Variants in CASKIN1 observed in about 807,000 individuals in gnomAD.
CASKIN1 encodes CASK interacting protein 1.
A neutral mutation model predicts 117.5 loss-of-function variants in CASKIN1; 42 were observed. That is an observed-to-expected ratio of 0.36 (90% CI 0.28 to 0.46). CASKIN1 has a LOEUF of 0.46. Ranked by LOEUF, CASKIN1 falls within the 20% of genes least tolerant of loss-of-function variation. The pLI, the probability that CASKIN1 is intolerant of heterozygous loss-of-function variation, is 1.00. For missense variants in CASKIN1, 2,083 were observed against 2,077.3 expected, an observed-to-expected ratio of 1.00 and a Z score of -0.05; for synonymous variants, 1,148 against 961.7, an observed-to-expected ratio of 1.19 and a Z score of -3.59.
At chr16:2,191,588 C>A (rs2093201890) in intron 1 of CASKIN1, among the ~76,000 whole-genome samples, 1 of 152,208 alleles carries the variant, frequency 6.6e-6, no homozygotes, top group South Asian at 2.1e-4. Flanking sequence ...CTAATATTAG[C>A]CGTACAGGAA....
intron 14 of CASKIN1, among the ~76,000 whole-genome samples, chr16:2,184,450 T>C (rs1315558362): frequency 6.6e-6 from 1 of 152,148 alleles, no homozygotes; most frequent in Non-Finnish European, 1.5e-5. Flanking sequence ...GCCGTGCCCA[T>C]GCACACGCTG....
In CASKIN1 at chr16:2,179,493, G is replaced by A. The variant is rs1208116020; in HGVS notation, c.3775+100C>T. ...TGGGGACACGTTCCCACCCCACCTG[G>A]GCTTCCATCAAACCCAAGAAAAGGA... On this transcript the variant is annotated intron_variant, in intron 18 of 19. Coordinates refer to ENST00000343516, the MANE Select transcript of CASKIN1 (RefSeq NM_020764.4). This position sits in a 1 kb window ranked among gnomAD's most constrained non-coding sequence, Gnocchi z 5.8. 2.9e-6 allele frequency: 4 copies of A among 1,391,752 alleles called. No individual in the cohort carries two copies. The East Asian group carries it at 1.1e-4, about 38-fold the overall frequency. 86.2% of individuals were successfully genotyped at this position (1,391,752 alleles called of 1,614,324 possible). A position where few individuals can be genotyped will look rare whatever the true frequency, so the allele number is the denominator to read the frequency against.
Position 2,196,264 on chromosome 16 carries a change from G to C in CASKIN1, c.94+75C>G. On this transcript the variant is annotated intron_variant, in intron 1 of 19. Transcript: ENST00000343516. This position sits in a 1 kb window ranked among gnomAD's most constrained non-coding sequence, Gnocchi z 5.7. Reference sequence around the variant, plus strand: ...CCCGACAACGTCCCCTCCCCGCCCGGCGCCGGGTGGGGGGCTCCGCGCCGG... The same window carrying C: ...CCCGACAACGTCCCCTCCCCGCCCGCCGCCGGGTGGGGGGCTCCGCGCCGG... The C allele has an allele frequency of 1.7e-6, 1 of 580,812 alleles. No individual in the cohort carries two copies. The highest frequency in any genetic ancestry group is 2.3e-6 in the Non-Finnish European group (1 of 428,730). The allele number at this position is 580,812 out of a possible 1,614,324, so 36.0% of individuals were successfully genotyped here.
At chr16:2,188,902 C>A in intron 6 of CASKIN1, 125 bp downstream of exon 6, 7 of 1,387,550 alleles carry the variant, frequency 5.0e-6, no homozygotes, top group Non-Finnish European at 6.8e-6. Flanking sequence ...AGAGGCCTGA[C>A]CAGGGACCTG....
rs1176560713 is a variant in CASKIN1 at position 2,185,190 on chromosome 16, C to T, written c.1160G>A (p.Arg387Gln). Residue 387 changes from arginine (R) to glutamine (Q), a missense_variant, in exon 12 of 20, where the codon CGA (arginine) becomes CAA (glutamine). Coordinates refer to ENST00000343516, the MANE Select transcript of CASKIN1 (RefSeq NM_020764.4). ...AGCCATGCCGCTAATGCTGCCGCTT[C>T]GGTCCCCACCTGCCAGCACAAGGGA... ...VLRKPFAGGD[R>Q]SGSISGMAGG... is the part of the protein sequence containing the mutation. The T allele has an allele frequency of 3.7e-6, 6 of 1,610,912 alleles. No homozygotes were observed. The highest frequency in any genetic ancestry group is 1.3e-5 in the African/African-American group (1 of 75,038).
rs1011641811 is a variant in CASKIN1, at chr16:2,178,508, G to C, written c.*42C>G. The C allele has an allele frequency of 1.3e-6, 2 of 1,490,110 alleles. No homozygotes were observed. Among genetic ancestry groups the C allele is most frequent in the East Asian group, 2.6e-5 (1 of 37,956 alleles). The allele number at this position is 1,490,110 out of a possible 1,614,324, so 92.3% of individuals were successfully genotyped here. A position where few individuals can be genotyped will look rare whatever the true frequency, so the allele number is the denominator to read the frequency against. ...ATCCTGAGGTATAGGTCAGTGTGCG[G>C]GGAGGGCCCGGGCGGCGCGGGAGGG... is the stretch of plus-strand genomic sequence containing the variant. On this transcript the variant is annotated 3_prime_UTR_variant, in exon 20 of 20. Transcript: ENST00000343516.
Position 2,186,699 on chromosome 16 carries a change from GA to G in CASKIN1, c.1048+7del, listed in dbSNP as rs781440484. ...CCTGCCTGCCCCCCAGGGTGGGGTG[GA>G]ACTTGCCTGCTCGCTTGACAATGGC... On this transcript the variant is annotated splice_region_variant and intron_variant, in intron 10 of 19. Transcript: ENST00000343516. 4.3e-6 allele frequency: 7 copies of G among 1,610,714 alleles called. No individual in the cohort carries two copies. The highest frequency in any genetic ancestry group is 5.9e-6 in the Non-Finnish European group (7 of 1,178,404).
At position 2,180,013 on chromosome 16, in the gene CASKIN1, C is replaced by T; in HGVS notation, c.3355G>A (p.Glu1119Lys). ...CGCCTCTTGAGTGTGGCGCTGGCTT[C>T]CACCTTGGCCAAGGGCGGGCCTTCG... The part of the protein sequence containing the change: ...GVEGPPLAKV[E>K]ASATLKRRIR... Residue 1119 changes from glutamate (E) to lysine (K), a missense_variant, in exon 18 of 20, where the codon GAA becomes AAA. Glu to Lys is a moderately conservative substitution (Grantham distance 56, BLOSUM62 1). This residue lies in a region of CASKIN1 where 1,818 missense variants were observed against 1,688.9 expected (regional missense o/e 1.08). Transcript: ENST00000343516. The T allele has an allele frequency of 6.3e-7, 1 of 1,598,500 alleles. No homozygotes were observed. Among genetic ancestry groups the T allele is most frequent in the Non-Finnish European group, 8.5e-7 (1 of 1,172,682 alleles).
In CASKIN1 at chr16:2,181,147, C is replaced by T; in HGVS notation, c.2221G>A (p.Glu741Lys). The change falls in exon 18 of 20, where the codon GAG (glutamate) becomes AAG (lysine). Residue 741 changes from glutamate (E) to lysine (K), a missense_variant. Around this residue, in one of 3 missense-constraint regions of CASKIN1, gnomAD observed 1,818 missense variants for 1,688.9 expected, o/e 1.08. Coordinates refer to ENST00000343516, the MANE Select transcript of CASKIN1 (RefSeq NM_020764.4). ...EGPAPGTPPR[E>K]ARPGRHGHSI... is the part of the protein sequence containing the mutation. ...TGGCCGTGGCGGCCGGGCCGGGCCT[C>T]CCTGGGCGGGGTGCCGGGGGCGGGG... 2.7e-6 allele frequency: 4 copies of T among 1,489,508 alleles called. No individual in the cohort carries two copies. The highest frequency in any genetic ancestry group is 3.5e-6 in the Non-Finnish European group (4 of 1,129,606). 92.3% of individuals were successfully genotyped at this position (1,489,508 alleles called of 1,614,324 possible).
rs199599890 is a variant in CASKIN1 at position 2,189,284 on chromosome 16, G to C, written c.440C>G (p.Ser147Trp). 3.7e-6 allele frequency: 6 copies of C among 1,613,278 alleles called. No individual in the cohort carries two copies. The East Asian group carries it at 6.7e-5, about 18-fold the overall frequency. ...GGCCAGGTCCAGGGGCGTCTTCCCC[G>C]AGTTGTCCACCATGCACGGGTTAGA... The part of the protein sequence containing the change: ...HQSNPCMVDN[S>W]GKTPLDLACE... Residue 147 changes from serine (S) to tryptophan (W), a missense_variant, in exon 5 of 20, where the codon TCG becomes TGG. Coordinates refer to ENST00000343516, the MANE Select transcript of CASKIN1 (RefSeq NM_020764.4).
In CASKIN1 at chr16:2,178,693, C is replaced by T. The variant is rs145603955; in HGVS notation, c.4200-47G>A. The T allele has an allele frequency of 1.7e-3, 2,493 of 1,504,806 alleles. 36 individuals carry two copies. The African/African-American group carries it at 0.031, about 19-fold the overall frequency. The allele number at this position is 1,504,806 out of a possible 1,614,324, so 93.2% of individuals were successfully genotyped here. On this transcript the variant is annotated intron_variant, in intron 19 of 19. Coordinates refer to ENST00000343516, the MANE Select transcript of CASKIN1 (RefSeq NM_020764.4). ...GCGTGAGTGGGCGGGGCGGGTCTGG[C>T]CACGCCCACCCCGACCAGGACACGC...
Position 2,186,819 on chromosome 16 carries a change from G to A in CASKIN1, c.936C>T (p.Leu312=), listed in dbSNP as rs149789996. The A allele has an allele frequency of 5.7e-5, 92 of 1,612,926 alleles. No homozygotes were observed. Among genetic ancestry groups the A allele is most frequent in the Non-Finnish European group, 6.8e-5 (80 of 1,179,908 alleles). The change falls in exon 10 of 20, where the codon CTC becomes CTT. Residue 312 remains leucine, a synonymous_variant. Coordinates refer to ENST00000343516, the MANE Select transcript of CASKIN1 (RefSeq NM_020764.4). ...TCCACCGGCCATCCGGATGCTGCTC[G>A]AGGACCTGGCCAGTAAGGTGGGGGG... ...NVKAGDIITV[L]EQHPDGRWKG... is the part of the protein sequence containing the mutation.
In CASKIN1 at chr16:2,179,502, C is replaced by G. The variant is rs2093158932; in HGVS notation, c.3775+91G>C. On this transcript the variant is annotated intron_variant, in intron 18 of 19. Transcript: ENST00000343516. The surrounding 1 kb of genome is among the most constrained non-coding windows in gnomAD (Gnocchi z 5.8). ...GTTCCCACCCCACCTGGGCTTCCAT[C>G]AAACCCAAGAAAAGGAAAACCCCTC... The G allele has an allele frequency of 7.2e-7, 1 of 1,394,386 alleles. No homozygotes were observed. The highest frequency in any genetic ancestry group is 1.5e-5 in the South Asian group (1 of 64,572). The allele number at this position is 1,394,386 out of a possible 1,614,324, so 86.4% of individuals were successfully genotyped here. A position where few individuals can be genotyped will look rare whatever the true frequency, so the allele number is the denominator to read the frequency against.
In CASKIN1 at chr16:2,181,576, C is replaced by T. The variant is rs754391474; in HGVS notation, c.1792G>A (p.Ala598Thr). The change falls in exon 18 of 20, where the codon GCT becomes ACT. Residue 598 changes from alanine (A) to threonine (T), a missense_variant. Around this residue, in one of 3 missense-constraint regions of CASKIN1, gnomAD observed 1,818 missense variants for 1,688.9 expected, o/e 1.08. Coordinates refer to ENST00000343516, the MANE Select transcript of CASKIN1 (RefSeq NM_020764.4). ...KLGHQKKLML[A>T]VRKLAELQKA... ...TGCAGCTCTGCCAGCTTCCTCACAGCGAGCATCAGCTTCTTCTGGTGCCCT... is the reference window on the plus strand; with the variant it reads ...TGCAGCTCTGCCAGCTTCCTCACAGTGAGCATCAGCTTCTTCTGGTGCCCT... The T allele has an allele frequency of 1.9e-6, 3 of 1,568,440 alleles. No homozygotes were observed. Among genetic ancestry groups the T allele is most frequent in the Non-Finnish European group, 2.6e-6 (3 of 1,159,338 alleles).
At position 2,180,435 on chromosome 16, in the gene CASKIN1, C is replaced by G; in HGVS notation, c.2933G>C (p.Gly978Ala). The change falls in exon 18 of 20, where the codon GGG becomes GCG. Residue 978 changes from glycine (G) to alanine (A), a missense_variant. Coordinates refer to ENST00000343516, the MANE Select transcript of CASKIN1 (RefSeq NM_020764.4). ...PDAEPEDGLL[G>A]VRAQCRRASD... is the part of the protein sequence containing the mutation. ...GGCCCGCCGGCACTGTGCCCGGACC[C>G]CCAGCAGGCCATCCTCAGGCTCGGC... The G allele has an allele frequency of 6.4e-7, 1 of 1,565,636 alleles. No individual in the cohort carries two copies. Among genetic ancestry groups the G allele is most frequent in the South Asian group, 1.2e-5 (1 of 86,772 alleles).
chr16:2,194,255 C>T lies in CASKIN1; in HGVS notation c.94+2084G>A, dbSNP rs759142762. On this transcript the variant is annotated intron_variant, in intron 1 of 19. Coordinates refer to ENST00000343516, the MANE Select transcript of CASKIN1 (RefSeq NM_020764.4). ...ACAGGGGGCCTCCATGGATAGGGTC[C>T]GGGTCAGAGGGAAGAGTGGGTCCCT... Among the ~76,000 whole-genome samples, 11 of 152,216 alleles carry T rather than the reference C, an allele frequency of 7.2e-5. No homozygotes were observed. In the South Asian group the frequency reaches 1.0e-3, roughly 14 times the overall value.
In CASKIN1 at chr16:2,178,452, C is replaced by T. The variant is rs531753262; in HGVS notation, c.*98G>A. 2.0e-5 allele frequency: 19 copies of T among 971,638 alleles called. No individual in the cohort carries two copies. Among genetic ancestry groups the T allele is most frequent in the East Asian group, 3.3e-5 (1 of 29,970 alleles). The allele number at this position is 971,638 out of a possible 1,614,324, so 60.2% of individuals were successfully genotyped here. A position where few individuals can be genotyped will look rare whatever the true frequency, so the allele number is the denominator to read the frequency against. ...GAGTTGTGCTTCTGCAGGGCCCTGC[C>T]CGGCCGCTCGCGCCGCGCCCAGACG... On this transcript the variant is annotated 3_prime_UTR_variant, in exon 20 of 20. Transcript: ENST00000343516.
intron 19 of CASKIN1, 91 bp from the exon 20 acceptor site, chr16:2,178,737 T>C (rs1314921093): frequency 5.9e-6 from 8 of 1,359,118 alleles, no homozygotes; most frequent in Non-Finnish European, 7.7e-6. Context: ...CGCATCTCCG[T>C]CGGCTTCCGC....
In CASKIN1 at chr16:2,184,956, G is replaced by A. The variant is rs753817898; in HGVS notation, c.1319C>T (p.Ser440Phe). ...GDSPAKPPEG[S>F]AGVARSQPPV... ...GGCAGCACCCTTGCTCTTACCTGCA[G>A]AGCCTTCCGGAGGCTTGGCGGGGCT... is the stretch of plus-strand genomic sequence containing the variant. Residue 440 changes from serine to phenylalanine, a missense_variant, in exon 13 of 20, where the codon TCT (serine) becomes TTT (phenylalanine). Transcript: ENST00000343516. 2 of 1,602,314 alleles carry A rather than the reference G, an allele frequency of 1.2e-6. No individual in the cohort carries two copies. The highest frequency in any genetic ancestry group is 1.7e-6 in the Non-Finnish European group (2 of 1,171,546).
Sources: gnomAD v4.1 joint callset for allele counts (sites outside exome capture counted in the v4.1 genomes callset) on GRCh38, gnomAD v4.1.1 for gene constraint, gnomAD v4.1.1 regional missense constraint, Gnocchi (gnomAD v3.1) non-coding constraint, MANE v1.5 for transcripts, NCBI Gene and HGNC (gene_info 2026-07-23, HGNC 2026-07-21) for gene names.